The following STEAP1B variants were observed in gnomAD, a reference collection of about 807,000 sequenced individuals.
STEAP1B encodes the protein STEAP family protein MGC87042.
A neutral mutation model predicts 27.9 loss-of-function variants in STEAP1B; 13 were observed. That is an observed-to-expected ratio of 0.47 (90% confidence interval 0.30 to 0.74). The LOEUF is 0.74. STEAP1B is among the 30% of genes least tolerant of loss of function. The pLI, the probability that STEAP1B is intolerant of heterozygous loss-of-function variation, is 0.06. For missense variants in STEAP1B, 250 were observed against 298.7 expected, an observed-to-expected ratio of 0.84 and a Z score of 1.20; for synonymous variants, 86 against 107.1, an observed-to-expected ratio of 0.80 and a Z score of 1.22.
At chr7:22,460,362 AAGTCTTT>A (rs2011139031) in intron 4 of STEAP1B, among the ~76,000 whole-genome samples, 1 of 149,176 alleles carries the variant, frequency 6.7e-6, no homozygotes, top group African/African-American at 2.5e-5. Context: ...GGAGAGAAGG[AAGTCTTT>A]ATATGGTTCC....
intron 3 of STEAP1B, 91 bp downstream of exon 3, chr7:22,493,233 G>C (rs1171921365): frequency 2.2e-6 from 3 of 1,361,666 alleles, no homozygotes; most frequent in Non-Finnish European, 2.0e-6. Flanking sequence ...GTTTCAACAG[G>C]GTTGGGGTAT....
chr7:22,453,065 C>G (rs1413869755), intron 4 of STEAP1B, among the ~76,000 whole-genome samples: 1 of 152,200 alleles, frequency 6.6e-6, no homozygotes, highest in Non-Finnish European at 1.5e-5. Context: ...CCCCCTTCCA[C>G]CAACTCCCCT....
chr7:22,449,346 G>A (rs1785452497), intron 4 of STEAP1B, among the ~76,000 whole-genome samples: 1 of 152,096 alleles, frequency 6.6e-6, no homozygotes, highest in Non-Finnish European at 1.5e-5. Flanking sequence ...ATCTCCATGA[G>A]TTCAATTGTT....
In STEAP1B at chr7:22,483,418, A is replaced by G. The variant is rs111779711; in HGVS notation, c.762+9147T>C. 5.3e-5 allele frequency among the ~76,000 whole-genome samples: 8 copies of G among 152,306 alleles called. 1 individual carries two copies. Among genetic ancestry groups the G allele is most frequent in the African/African-American group, 1.9e-4 (8 of 41,574 alleles). On this transcript the variant is annotated intron_variant, in intron 4 of 4. Coordinates refer to ENST00000678116, the MANE Select transcript of STEAP1B (RefSeq NM_001382447.1). ...TATGGGCATGACTCAAGGGGCACTG[A>G]GCTGGCCTTTCTGTCCCCAACACAG...
rs576035661 is a variant in STEAP1B at position 22,455,071 on chromosome 7, G to A, written c.763-35235C>T. On this transcript the variant is annotated intron_variant, in intron 4 of 4. Transcript: ENST00000678116. Reference sequence around the variant, plus strand: ...GTAGAGATGAGGTTTCACCACATTGGCCAGGATGGTCTCGATCTCTTCACT... The same window carrying A: ...GTAGAGATGAGGTTTCACCACATTGACCAGGATGGTCTCGATCTCTTCACT... Among the ~76,000 whole-genome samples, 145 of 151,944 alleles carry A rather than the reference G, an allele frequency of 9.5e-4. 1 individual carries two copies. In the South Asian group the frequency reaches 0.019, roughly 20 times the overall value.
At chr7:22,487,804 C>CAAAAAA (rs200447382) in intron 4 of STEAP1B, among the ~76,000 whole-genome samples, 6 of 81,338 alleles carry the variant, frequency 7.4e-5, no homozygotes, top group African/African-American at 9.8e-5. Flanking sequence ...AAACTCCACC[C>CAAAAAA]AAAAAAAAAA....
At position 22,442,644 on chromosome 7, in the gene STEAP1B, C is replaced by T. The variant is rs138105817; in HGVS notation, c.763-22808G>A. On this transcript the variant is annotated intron_variant, in intron 4 of 4. Coordinates refer to ENST00000678116, the MANE Select transcript of STEAP1B (RefSeq NM_001382447.1). ...GGTGCTGATCTGACAAAGGACCTGACGATGCCTTTGACAGAGTTGGAATCT... is the reference window on the plus strand; with the variant it reads ...GGTGCTGATCTGACAAAGGACCTGATGATGCCTTTGACAGAGTTGGAATCT... Among the ~76,000 whole-genome samples the T allele has an allele frequency of 3.9e-3, 591 of 152,288 alleles. 7 individuals are homozygous for T. Among genetic ancestry groups the T allele is most frequent in the African/African-American group, 0.013 (553 of 41,554 alleles).
Position 22,493,070 on chromosome 7 carries a change from T to C in STEAP1B, c.597+254A>G, listed in dbSNP as rs1446708369. Among the ~76,000 whole-genome samples the C allele has an allele frequency of 2.0e-5, 3 of 152,256 alleles. No individual in the cohort carries two copies. In the East Asian group the frequency reaches 5.8e-4, roughly 29 times the overall value. The stretch of plus-strand genomic sequence containing the variant: ...GTGAGGGTGGTAGAAGTTTGAAATA[T>C]GGCCTTGTCCATGAACAAAATGTTT... On this transcript the variant is annotated intron_variant, in intron 3 of 4. Transcript: ENST00000678116.
intron 1 of STEAP1B, among the ~76,000 whole-genome samples, chr7:22,499,055 T>C (rs1487926198): frequency 3.9e-5 from 6 of 152,158 alleles, no homozygotes; most frequent in Non-Finnish European, 8.8e-5. Context: ...TACAGTAAAA[T>C]CTTTTCATAA....
At chr7:22,450,165 G>C (rs756917390) in intron 4 of STEAP1B, among the ~76,000 whole-genome samples, 3 of 152,064 alleles carry the variant, frequency 2.0e-5, no homozygotes, top group Non-Finnish European at 4.4e-5. Context: ...TTTTGCTTTG[G>C]TTGCCTGTGC....
chr7:22,459,719 C>G (rs943589416), intron 4 of STEAP1B, among the ~76,000 whole-genome samples: 1 of 152,164 alleles, frequency 6.6e-6, no homozygotes, highest in Admixed American at 6.5e-5. Flanking sequence ...CCACCAACAT[C>G]CTTTTTTAAA....
At chr7:22,468,422 G>A (rs144574434) in intron 4 of STEAP1B, among the ~76,000 whole-genome samples, 77 of 152,226 alleles carry the variant, frequency 5.1e-4, no homozygotes, top group African/African-American at 1.6e-3. Flanking sequence ...CAGAGCCACC[G>A]GAATTCTCAT....
In STEAP1B at chr7:22,419,743, A is replaced by G. The variant is rs1329260413; in HGVS notation, c.*61T>C. 1 of 1,523,170 alleles carries G rather than the reference A, an allele frequency of 6.6e-7. No homozygotes were observed. The highest frequency in any genetic ancestry group is 1.4e-5 in the African/African-American group (1 of 72,140). 94.4% of individuals were successfully genotyped at this position (1,523,170 alleles called of 1,614,324 possible). On this transcript the variant is annotated 3_prime_UTR_variant, in exon 5 of 5. Transcript: ENST00000678116. ...GCACTGGGTGGTGTTCTGCATGAGC[A>G]ATCCAATGCTGTGCTCCAAAGCCTC...
At chr7:22,454,362 G>T (rs538011523) in intron 4 of STEAP1B, among the ~76,000 whole-genome samples, 1 of 152,228 alleles carries the variant, frequency 6.6e-6, no homozygotes, top group South Asian at 2.1e-4. Flanking sequence ...GAATAATAGA[G>T]AAGTCACTAT....
chr7:22,438,652 C>T lies in STEAP1B; in HGVS notation c.763-18816G>A, dbSNP rs372564640. 1.9e-6 allele frequency: 3 copies of T among 1,551,906 alleles called. No individual in the cohort carries two copies. In the African/African-American group the frequency reaches 4.1e-5, roughly 21 times the overall value. ...GGAAGGTGGTGGGAAATGGATTCCA[C>T]ACTGCTGCTCCTGCCAGAAATTTGG... On this transcript the variant is annotated intron_variant, in intron 4 of 4. Transcript: ENST00000678116.
At chr7:22,426,300 T>C (rs551255236) in intron 4 of STEAP1B, among the ~76,000 whole-genome samples, 20 of 152,160 alleles carry the variant, frequency 1.3e-4, no homozygotes, top group Non-Finnish European at 2.1e-4. Flanking sequence ...TTGAAATGTA[T>C]AGTTAACATC....
chr7:22,432,137 T>C (rs1785194996), intron 4 of STEAP1B, among the ~76,000 whole-genome samples: 1 of 152,128 alleles, frequency 6.6e-6, no homozygotes, highest in African/African-American at 2.4e-5. Context: ...CCTTCTGCCA[T>C]GTAAGGTTAG....
intron 4 of STEAP1B, among the ~76,000 whole-genome samples, chr7:22,447,657 G>A (rs1362356288): frequency 6.6e-6 from 1 of 152,226 alleles, no homozygotes; most frequent in Non-Finnish European, 1.5e-5. Context: ...TTTTTGTTAG[G>A]ATGGAAGGGT....
Position 22,419,587 on chromosome 7 carries a change from C to T in STEAP1B, c.*217G>A. On this transcript the variant is annotated 3_prime_UTR_variant, in exon 5 of 5. Transcript: ENST00000678116. ...CCAACACAATCTCAGTGGATTAGCA[C>T]AACACATATGGACTTTTTGTTTGCT... The T allele has an allele frequency of 2.4e-6, 1 of 419,940 alleles. No homozygotes were observed. Among genetic ancestry groups the T allele is most frequent in the South Asian group, 5.0e-5 (1 of 19,988 alleles). The allele number at this position is 419,940 out of a possible 1,614,324, so 26.0% of individuals were successfully genotyped here.
Sources: gnomAD v4.1 joint callset for allele counts (sites outside exome capture counted in the v4.1 genomes callset) on GRCh38, gnomAD v4.1.1 for gene constraint, MANE v1.5 for transcripts, NCBI Gene and HGNC (gene_info 2026-07-23, HGNC 2026-07-21) for gene names.